STARD13: variants seen among roughly 807,000 people sequenced by gnomAD.
STARD13 encodes the protein StAR related lipid transfer domain containing 13, also known as stAR-related lipid transfer protein 13.
A neutral mutation model predicts 106.4 loss-of-function variants in STARD13; 62 were observed. The observed-to-expected ratio is 0.58, with a 90% CI of 0.48 to 0.72. The LOEUF (loss-of-function observed/expected upper bound fraction) is 0.72, where lower values mean the gene tolerates loss of function less well. Ranked by LOEUF, STARD13 falls within the 30% of genes least tolerant of loss-of-function variation. The probability of loss-of-function intolerance (pLI) is 0.00; values close to 1 mark genes in which losing one functional copy is unlikely to be tolerated. For synonymous variants in STARD13, 565 were observed against 553.0 expected, an observed-to-expected ratio of 1.02 and a Z score of -0.31; for missense variants, 1,387 against 1,424.0, an observed-to-expected ratio of 0.97 and a Z score of 0.42.
chr13:33,528,090 G>C, the STARD13 span, among the ~76,000 whole-genome samples: 1 of 149,572 alleles, frequency 6.7e-6, no homozygotes, highest in Non-Finnish European at 1.5e-5. Flanking sequence ...AAAGTAGTTT[G>C]TGTAATGAAC....
chr13:33,106,763 G>T lies in STARD13; in HGVS notation c.3219C>A (p.Asp1073Glu), dbSNP rs1406777972. 1 of 1,610,488 alleles carries T rather than the reference G, an allele frequency of 6.2e-7. No homozygotes were observed. The highest frequency in any genetic ancestry group is 8.5e-7 in the Non-Finnish European group (1 of 1,177,990). The change falls in exon 13 of 14, where the codon GAC becomes GAA. Residue 1073 changes from aspartate to glutamate, a missense_variant. Coordinates refer to ENST00000336934, the MANE Select transcript of STARD13 (RefSeq NM_178006.4). ...TTAAGGGAGTCAGCACTTACTTCAG[G>T]TCTATCCTGCAGATGTGAGTCAGTC... is the stretch of plus-strand genomic sequence containing the variant. ...KSRLTHICRI[D>E]LKGHSPEWYS...
the STARD13 span, among the ~76,000 whole-genome samples, chr13:33,615,050 T>C: frequency 1.4e-4 from 22 of 151,926 alleles, no homozygotes; most frequent in Admixed American, 1.4e-3. Flanking sequence ...AGAGGGAGGA[T>C]ACTGACTTGG....
chr13:33,112,006 T>A, intron 9 of STARD13, 114 bp from the exon 10 acceptor site: 1 of 632,856 alleles, frequency 1.6e-6, no homozygotes, highest in Admixed American at 2.6e-5. Context: ...GATCCCAGGC[T>A]TTTGCGTTTC....
chr13:33,507,041 C>T, the STARD13 span, among the ~76,000 whole-genome samples: 30 of 152,104 alleles, frequency 2.0e-4, no homozygotes, highest in African/African-American at 7.0e-4. Flanking sequence ...GTCAAGGCTG[C>T]AGAAGGCCAT....
the STARD13 span, among the ~76,000 whole-genome samples, chr13:33,487,355 C>G: frequency 2.0e-5 from 3 of 152,080 alleles, no homozygotes; most frequent in Admixed American, 1.3e-4. Flanking sequence ...GTCCAGTTTT[C>G]ACAATTATCA....
chr13:33,326,892 C>T (rs2077781228), intron 1 of STARD13, among the ~76,000 whole-genome samples: 1 of 152,156 alleles, frequency 6.6e-6, no homozygotes, highest in Non-Finnish European at 1.5e-5. Flanking sequence ...GCTGTTCTTC[C>T]ATCTTGGACA....
At chr13:33,241,390 GTAT>G (rs1889485953) in intron 1 of STARD13, among the ~76,000 whole-genome samples, 1 of 152,090 alleles carries the variant, frequency 6.6e-6, no homozygotes, top group Non-Finnish European at 1.5e-5. Context: ...TGCAGTTTTT[GTAT>G]TAATAAAAAC....
intron 1 of STARD13, chr13:33,280,598 C>A (rs183043255): frequency 6.6e-6 from 1 of 152,290 alleles, no homozygotes; most frequent in East Asian, 1.9e-4. Context: ...TTACAAGTTT[C>A]TGTATAATTA....
At chr13:33,220,550 G>A (rs1888299869) in intron 1 of STARD13, among the ~76,000 whole-genome samples, 1 of 152,234 alleles carries the variant, frequency 6.6e-6, no homozygotes, top group Admixed American at 6.5e-5. Flanking sequence ...AAATTAGCCG[G>A]GTGTGGTGGC....
intron 1 of STARD13, among the ~76,000 whole-genome samples, chr13:33,255,101 C>G (rs866523215): frequency 1.3e-3 from 192 of 143,378 alleles, no homozygotes; most frequent in African/African-American, 4.8e-3. Context: ...TGTGTGCTCC[C>G]CCCCCCCTCA....
chr13:33,349,983 T>C (rs1454557856), intron 1 of STARD13, among the ~76,000 whole-genome samples: 1 of 151,642 alleles, frequency 6.6e-6, no homozygotes, highest in Admixed American at 6.6e-5. Flanking sequence ...GGGGACAGCC[T>C]AGGCTAAAAG....
At chr13:33,233,887 G>A (rs988307283) in intron 1 of STARD13, among the ~76,000 whole-genome samples, 7 of 152,210 alleles carry the variant, frequency 4.6e-5, no homozygotes, top group South Asian at 2.1e-4. Context: ...GCAGCCAGCC[G>A]GATCTTGCAC....
the STARD13 span, among the ~76,000 whole-genome samples, chr13:33,531,822 A>C: frequency 6.6e-6 from 1 of 152,156 alleles, no homozygotes; most frequent in African/African-American, 2.4e-5. Flanking sequence ...CAAACTGAGA[A>C]TCTTGGTTCT....
intron 4 of STARD13, among the ~76,000 whole-genome samples, chr13:33,141,888 A>G (rs1021773515): frequency 2.0e-5 from 3 of 152,192 alleles, no homozygotes; most frequent in African/African-American, 7.2e-5. Context: ...CCCTCTAATA[A>G]AAAAAGAAAG....
At chr13:33,519,259 T>A in the STARD13 span, among the ~76,000 whole-genome samples, 2 of 149,666 alleles carry the variant, frequency 1.3e-5, no homozygotes, top group East Asian at 4.0e-4. Flanking sequence ...TTTCTTTCTT[T>A]CTTTCTTTCT....
At chr13:33,297,191 C>A (rs1028456032) in intron 1 of STARD13, among the ~76,000 whole-genome samples, 4 of 152,218 alleles carry the variant, frequency 2.6e-5, no homozygotes, top group African/African-American at 9.6e-5. Context: ...AGAGCACCAC[C>A]ATAATCACAC....
At chr13:33,491,835 G>C in the STARD13 span, among the ~76,000 whole-genome samples, 2 of 151,838 alleles carry the variant, frequency 1.3e-5, no homozygotes, top group South Asian at 4.2e-4. Flanking sequence ...AGAACCTCTG[G>C]TAGTGAAATG....
At chr13:33,314,078 C>T (rs113651365) in intron 1 of STARD13, among the ~76,000 whole-genome samples, 13 of 152,242 alleles carry the variant, frequency 8.5e-5, no homozygotes, top group Non-Finnish European at 1.3e-4. Flanking sequence ...GCCATCAGTG[C>T]GTGAATCCTT....
the STARD13 span, among the ~76,000 whole-genome samples, chr13:33,395,436 G>T: frequency 6.6e-6 from 1 of 152,054 alleles, no homozygotes; most frequent in Non-Finnish European, 1.5e-5. Flanking sequence ...GGTTTTATAA[G>T]ATCATAAAAC....
Sources: gnomAD v4.1 joint callset for allele counts (sites outside exome capture counted in the v4.1 genomes callset) on GRCh38, gnomAD v4.1.1 for gene constraint, MANE v1.5 for transcripts, NCBI Gene and HGNC (gene_info 2026-07-23, HGNC 2026-07-21) for gene names.